Variants in TLN2 observed in about 807,000 individuals in gnomAD.
TLN2 encodes the protein talin 2.
TLN2 carries 118 observed loss-of-function variants against 294.7 expected under a neutral mutation model. The ratio of observed to expected loss-of-function variants is 0.40; its 90% CI spans 0.34 to 0.47. The LOEUF (loss-of-function observed/expected upper bound fraction) is 0.47. Among genes scored for constraint, TLN2 ranks in the 20% least tolerant of loss-of-function variants. The probability of loss-of-function intolerance (pLI) is 0.84; values close to 1 mark genes in which losing one functional copy is unlikely to be tolerated. For missense variants in TLN2, 3,083 were observed against 3,282.2 expected, an observed-to-expected ratio of 0.94 and a Z score of 1.48; for synonymous variants, 1,431 against 1,304.5, an observed-to-expected ratio of 1.10 and a Z score of -2.09.
chr15:62,584,129 A>G (rs912551310), intron 1 of TLN2, among the ~76,000 whole-genome samples: 2 of 152,322 alleles, frequency 1.3e-5, no homozygotes, highest in South Asian at 2.1e-4. Flanking sequence ...TTATAACATT[A>G]TTTTTCAAAG....
chr15:62,728,314 C>G (rs1207977325), intron 28 of TLN2, among the ~76,000 whole-genome samples: 1 of 152,210 alleles, frequency 6.6e-6, no homozygotes. Flanking sequence ...GTGCTTCTTG[C>G]ATTTCCATTA....
chr15:62,730,348 T>C (rs1219461993), intron 28 of TLN2, among the ~76,000 whole-genome samples: 5 of 152,154 alleles, frequency 3.3e-5, no homozygotes, highest in Non-Finnish European at 7.4e-5. Context: ...CCTTATGTTT[T>C]AATTCTAGGT....
chr15:62,678,400 G>A (rs1321943741), intron 11 of TLN2, among the ~76,000 whole-genome samples: 1 of 152,120 alleles, frequency 6.6e-6, no homozygotes, highest in African/African-American at 2.4e-5. Context: ...AGCCACTAAG[G>A]TGTTTGATAA....
At chr15:62,750,331 G>A (rs1469862242) in intron 33 of TLN2, 71 bp from the exon 34 acceptor site, 6 of 1,230,994 alleles carry the variant, frequency 4.9e-6, no homozygotes, top group African/African-American at 1.5e-5. Context: ...GTTGATAGTT[G>A]GCAGTTGATG....
rs1475851946 is a variant in TLN2 at position 62,658,041 on chromosome 15, T to C, written c.788+143T>C. On this transcript the variant is annotated intron_variant, in intron 9 of 58. Transcript: ENST00000636159. ...GCTAGCTTTTCTTCCATCGAGTAGA[T>C]GACCAAATTTGCAGATTTTGGGGAA... The C allele has an allele frequency of 1.6e-5, 13 of 788,928 alleles. No homozygotes were observed. The African/African-American group carries it at 2.0e-4, about 12-fold the overall frequency. The allele number at this position is 788,928 out of a possible 1,614,324, so 48.9% of individuals were successfully genotyped here. A position where few individuals can be genotyped will look rare whatever the true frequency, so the allele number is the denominator to read the frequency against.
rs139360689 is a variant in TLN2, at chr15:62,435,409, C to T, written c.-238+44724C>T. Among the ~76,000 whole-genome samples the T allele has an allele frequency of 9.4e-4, 143 of 152,258 alleles. 2 individuals are homozygous for T. The South Asian group carries it at 0.026, about 28-fold the overall frequency. On this transcript the variant is annotated intron_variant, in intron 1 of 58. Transcript: ENST00000636159. ...CAGTGTAAAACCATTCATTTTTCTC[C>T]GCAGAAGTTGACTGTCTTTATATGC...
chr15:62,471,789 A>G (rs1046084054), intron 1 of TLN2, among the ~76,000 whole-genome samples: 9 of 152,128 alleles, frequency 5.9e-5, no homozygotes, highest in African/African-American at 9.7e-5. Flanking sequence ...TCAGGACTGT[A>G]ATAAAGACAC....
intron 11 of TLN2, among the ~76,000 whole-genome samples, chr15:62,681,893 C>T (rs2056864381): frequency 6.6e-6 from 1 of 152,172 alleles, no homozygotes; most frequent in Non-Finnish European, 1.5e-5. Flanking sequence ...ACTGAGACTA[C>T]AGGCACGTGC....
rs117488503 is a variant in TLN2 at position 62,662,345 on chromosome 15, C to T, written c.788+4447C>T. Reference sequence around the variant, plus strand: ...AGTTTAAAATATACCAGTCAAAAAACAACAAACACTAGGCCCAGGTTATTT... The same window carrying T: ...AGTTTAAAATATACCAGTCAAAAAATAACAAACACTAGGCCCAGGTTATTT... On this transcript the variant is annotated intron_variant, in intron 9 of 58. Transcript: ENST00000636159. Among the ~76,000 whole-genome samples the T allele has an allele frequency of 9.3e-3, 1,420 of 152,156 alleles. 12 individuals carry two copies. The highest frequency in any genetic ancestry group is 0.014 in the Middle Eastern group (4 of 294).
chr15:62,694,312 C>T lies in TLN2; in HGVS notation c.1216-4C>T. 1 of 1,613,852 alleles carries T rather than the reference C, an allele frequency of 6.2e-7. No homozygotes were observed. Among genetic ancestry groups the T allele is most frequent in the Non-Finnish European group, 8.5e-7 (1 of 1,179,890 alleles). On this transcript the variant is annotated splice_polypyrimidine_tract_variant and splice_region_variant and intron_variant, in intron 13 of 58. Transcript: ENST00000636159. ...TTTTGCATCTTGTTTTATTGCATTTCCAGAAACAAAGTAAAGATCGATTTG... is the reference window on the plus strand; with the variant it reads ...TTTTGCATCTTGTTTTATTGCATTTTCAGAAACAAAGTAAAGATCGATTTG...
intron 51 of TLN2, among the ~76,000 whole-genome samples, chr15:62,806,839 G>T (rs190749713): frequency 1.3e-5 from 2 of 152,158 alleles, no homozygotes; most frequent in African/African-American, 4.8e-5. Context: ...CTCCTACAGC[G>T]TGGGGTCTCA....
chr15:62,823,618 G>A (rs532351539), intron 54 of TLN2, among the ~76,000 whole-genome samples: 70 of 152,264 alleles, frequency 4.6e-4, no homozygotes, highest in African/African-American at 1.6e-3. Context: ...GCTCACCACC[G>A]TCTCAGGTTG....
chr15:62,624,777 T>TA (rs980592768), intron 3 of TLN2, among the ~76,000 whole-genome samples: 1 of 152,152 alleles, frequency 6.6e-6, no homozygotes, highest in Non-Finnish European at 1.5e-5. Flanking sequence ...ATGATGGCAG[T>TA]AAGGGCAAAG....
At chr15:62,792,880 A>G (rs1019143405) in intron 46 of TLN2, 93 bp downstream of exon 46, 25 of 1,538,866 alleles carry the variant, frequency 1.6e-5, no homozygotes, top group South Asian at 2.4e-5. Context: ...AACTCAGCCA[A>G]AACTAACCCA....
intron 46 of TLN2, among the ~76,000 whole-genome samples, chr15:62,795,815 C>G (rs1390690707): frequency 6.6e-6 from 1 of 152,170 alleles, no homozygotes; most frequent in African/African-American, 2.4e-5. Flanking sequence ...GTGCCAAATG[C>G]CTTGCTAGAC....
At chr15:62,502,384 T>C (rs906051035) in intron 1 of TLN2, among the ~76,000 whole-genome samples, 2 of 152,196 alleles carry the variant, frequency 1.3e-5, no homozygotes, top group Non-Finnish European at 2.9e-5. Flanking sequence ...AGTTTTAAAA[T>C]TTCTAAGGAG....
intron 3 of TLN2, among the ~76,000 whole-genome samples, chr15:62,625,964 C>T (rs888944934): frequency 1.4e-4 from 21 of 152,236 alleles, no homozygotes; most frequent in South Asian, 2.1e-4. Flanking sequence ...CTGAGTTCCC[C>T]ATGAAATCTG....
At chr15:62,834,599 G>T (rs923487331) in intron 55 of TLN2, 1 of 152,106 alleles carries the variant, frequency 6.6e-6, no homozygotes, top group Non-Finnish European at 1.5e-5. Flanking sequence ...CTAAACCATT[G>T]TGTTGTAGGT....
intron 1 of TLN2, among the ~76,000 whole-genome samples, chr15:62,525,261 C>T (rs1345111959): frequency 6.6e-6 from 1 of 152,214 alleles, no homozygotes; most frequent in African/African-American, 2.4e-5. Flanking sequence ...CTCAGGCAAG[C>T]TGTCATTTTC....
Sources: gnomAD v4.1 joint callset for allele counts (sites outside exome capture counted in the v4.1 genomes callset) on GRCh38, gnomAD v4.1.1 for gene constraint, MANE v1.5 for transcripts, NCBI Gene and HGNC (gene_info 2026-07-23, HGNC 2026-07-21) for gene names.